Variants in OR14A16 observed in about 807,000 individuals in gnomAD.
OR14A16 encodes olfactory receptor family 14 subfamily A member 16, also known as olfactory receptor 14A16.
For synonymous variants in OR14A16, 135 were observed against 137.6 expected, an observed-to-expected ratio of 0.98 and a Z score of 0.13; for missense variants, 341 against 366.5, an observed-to-expected ratio of 0.93 and a Z score of 0.57.
At chr1:247,822,557 T>G (rs903250628) in intron 1 of OR14A16, among the ~76,000 whole-genome samples, 25 of 152,208 alleles carry the variant, frequency 1.6e-4, no homozygotes, top group Non-Finnish European at 2.9e-4. Flanking sequence ...TCAAACTGAA[T>G]CATAATACCA....
chr1:247,816,476 C>T (rs766547067), intron 2 of OR14A16, among the ~76,000 whole-genome samples: 41 of 152,148 alleles, frequency 2.7e-4, no homozygotes, highest in Admixed American at 9.8e-4. Flanking sequence ...CCTGTAATCC[C>T]AGCACTTTGA....
intron 1 of OR14A16, among the ~76,000 whole-genome samples, chr1:247,819,736 G>A (rs1187572041): frequency 2.0e-5 from 3 of 151,998 alleles, no homozygotes; most frequent in Non-Finnish European, 4.4e-5. Flanking sequence ...TTTAGTTTAC[G>A]ATAAAATATT....
intron 2 of OR14A16, among the ~76,000 whole-genome samples, chr1:247,817,554 G>A (rs901480681): frequency 6.6e-6 from 1 of 152,100 alleles, no homozygotes; most frequent in Non-Finnish European, 1.5e-5. Context: ...ATGTCCATAC[G>A]TGTCTCTTTC....
intron 1 of OR14A16, among the ~76,000 whole-genome samples, chr1:247,821,207 T>C (rs774381678): frequency 1.3e-5 from 2 of 152,240 alleles, no homozygotes; most frequent in Non-Finnish European, 2.9e-5. Flanking sequence ...TAATGTTTTA[T>C]GTGCACTTGA....
At chr1:247,819,822 T>C (rs1645777774) in intron 1 of OR14A16, among the ~76,000 whole-genome samples, 1 of 152,218 alleles carries the variant, frequency 6.6e-6, no homozygotes, top group African/African-American at 2.4e-5. Context: ...CCTTGTCTTG[T>C]TCCTGATCTT....
intron 2 of OR14A16, among the ~76,000 whole-genome samples, chr1:247,817,553 C>T (rs1662646977): frequency 1.3e-5 from 2 of 152,052 alleles, no homozygotes; most frequent in Admixed American, 6.6e-5. Context: ...GATGTCCATA[C>T]GTGTCTCTTT....
intron 1 of OR14A16, among the ~76,000 whole-genome samples, chr1:247,819,625 A>AAAT (rs1662693577): frequency 1.3e-5 from 2 of 152,142 alleles, no homozygotes; most frequent in African/African-American, 4.8e-5. Flanking sequence ...GTAGATAGTG[A>AAAT]AATAATAATA....
rs1268256094 is a variant in OR14A16, at chr1:247,815,306, T to C, written c.424A>G (p.Arg142Gly). ...VIMDRSTCVQ[R>G]ATVSWLYGGL... ...CCATACAGCCAAGACACAGTGGCTC[T>C]TTGGACACAGGTGCTCCTGTCCATG... Residue 142 changes from arginine to glycine, a missense_variant, in exon 3 of 3, where the codon AGA becomes GGA. Physicochemically the swap from Arg to Gly is moderately radical, Grantham distance 125. Coordinates refer to ENST00000641093, the MANE Select transcript of OR14A16 (RefSeq NM_001001966.2). 4 of 1,614,078 alleles carry C rather than the reference T, an allele frequency of 2.5e-6. No homozygotes were observed. Among genetic ancestry groups the C allele is most frequent in the Non-Finnish European group, 3.4e-6 (4 of 1,180,006 alleles).
chr1:247,815,032 G>T lies in OR14A16; in HGVS notation c.698C>A (p.Ser233Ter). 1 of 1,613,406 alleles carries T rather than the reference G, an allele frequency of 6.2e-7. No individual in the cohort carries two copies. Among genetic ancestry groups the T allele is most frequent in the Non-Finnish European group, 8.5e-7 (1 of 1,179,398 alleles). Residue 233 changes from serine (S) to a stop codon, truncating the protein, a stop_gained, in exon 3 of 3, where the codon TCA becomes TAA. Transcript: ENST00000641093. LOFTEE classifies it low-confidence loss of function (END_TRUNC). ...VKKIPSTEGQ[S>*]KAYSICLPHL... ...TGGAAGGCAAATAGAGTAGGCTTTT[G>T]ACTGGCCTTCTGTGGAAGGGATCTT...
chr1:247,822,159 G>T (rs912798545), intron 1 of OR14A16, among the ~76,000 whole-genome samples: 1 of 152,018 alleles, frequency 6.6e-6, no homozygotes, highest in African/African-American at 2.4e-5. Flanking sequence ...TGTCAAACTT[G>T]ACTGGATTAA....
intron 2 of OR14A16, 66 bp from the exon 3 acceptor site, chr1:247,815,810 A>G: frequency 1.6e-6 from 1 of 641,148 alleles, no homozygotes; most frequent in Non-Finnish European, 2.6e-6. Flanking sequence ...AAATATATAT[A>G]ACACATATAT....
Position 247,815,392 on chromosome 1 carries a change from A to T in OR14A16, c.338T>A (p.Leu113His). ...LSSASAELLL[L>H]TVMSFDRYTA... Reference sequence around the variant, plus strand: ...ATAGCGGTCAAAGGACATCACCGTGAGGAGGAGCAGCTCTGCAGATGCTGA... The same window carrying T: ...ATAGCGGTCAAAGGACATCACCGTGTGGAGGAGCAGCTCTGCAGATGCTGA... Residue 113 changes from leucine to histidine, a missense_variant, in exon 3 of 3, where the codon CTC (leucine) becomes CAC (histidine). By Grantham distance (99) the Leu-to-His change is moderately conservative. Coordinates refer to ENST00000641093, the MANE Select transcript of OR14A16 (RefSeq NM_001001966.2). The T allele has an allele frequency of 6.2e-7, 1 of 1,613,834 alleles. No individual in the cohort carries two copies. The highest frequency in any genetic ancestry group is 1.1e-5 in the South Asian group (1 of 91,082).
intron 2 of OR14A16, among the ~76,000 whole-genome samples, chr1:247,817,464 A>C (rs898609078): frequency 1.3e-5 from 2 of 152,198 alleles, no homozygotes; most frequent in Non-Finnish European, 2.9e-5. Context: ...TGTTCTTGTT[A>C]AAATATTGTG....
intron 1 of OR14A16, among the ~76,000 whole-genome samples, chr1:247,821,106 C>A (rs144778519): frequency 6.6e-6 from 1 of 152,154 alleles, no homozygotes. Flanking sequence ...TAGTTTCATA[C>A]CATGTAGTCA....
rs933332879 is a variant in OR14A16 at position 247,819,848 on chromosome 1, A to G, written c.-130-671T>C. Among the ~76,000 whole-genome samples, 6 of 152,134 alleles carry G rather than the reference A, an allele frequency of 3.9e-5. No homozygotes were observed. In the East Asian group the frequency reaches 1.2e-3, roughly 29 times the overall value. ...TCCTGATCTTAGAGGAAATGTTTAA[A>G]CTTTTCATTCTTGCAAATGATGTTA... On this transcript the variant is annotated intron_variant, in intron 1 of 2. Coordinates refer to ENST00000641093, the MANE Select transcript of OR14A16 (RefSeq NM_001001966.2).
At chr1:247,818,244 T>C (rs1489446735) in intron 2 of OR14A16, among the ~76,000 whole-genome samples, 1 of 152,070 alleles carries the variant, frequency 6.6e-6, no homozygotes, top group Non-Finnish European at 1.5e-5. Context: ...CAATAACAAA[T>C]GCTGGGGAGG....
In OR14A16 at chr1:247,815,357, A is replaced by G. The variant is rs139200041; in HGVS notation, c.373T>C (p.Cys125Arg). 3.7e-5 allele frequency: 59 copies of G among 1,614,020 alleles called. No individual in the cohort carries two copies. The African/African-American group carries it at 6.1e-4, about 17-fold the overall frequency. ...ATGACATCATAGTGCAGAGGGTGAC[A>G]TATAGCAGTATAGCGGTCAAAGGAC... is the stretch of plus-strand genomic sequence containing the variant. The part of the protein sequence containing the change: ...VMSFDRYTAI[C>R]HPLHYDVIMD... Residue 125 changes from cysteine to arginine, a missense_variant, in exon 3 of 3, where the codon TGT (cysteine) becomes CGT (arginine). Coordinates refer to ENST00000641093, the MANE Select transcript of OR14A16 (RefSeq NM_001001966.2).
At position 247,815,255 on chromosome 1, in the gene OR14A16, C is replaced by T. The variant is rs1163737497; in HGVS notation, c.475G>A (p.Ala159Thr). 1.2e-6 allele frequency: 2 copies of T among 1,613,772 alleles called. No homozygotes were observed. ...CAGTAGGATAAGGAGAAGGTGCCAG[C>T]TGTGTGCATCACAGCAATCAGACCC... ...YGGLIAVMHT[A>T]GTFSLSYCGS... The change falls in exon 3 of 3, where the codon GCT (alanine) becomes ACT (threonine). Residue 159 changes from alanine to threonine, a missense_variant. Physicochemically the swap from Ala to Thr is moderately conservative, Grantham distance 58 (BLOSUM62 0). Transcript: ENST00000641093.
intron 1 of OR14A16, among the ~76,000 whole-genome samples, chr1:247,821,141 T>G (rs1662731635): frequency 6.6e-6 from 1 of 152,276 alleles, no homozygotes; most frequent in Non-Finnish European, 1.5e-5. Context: ...TATGATTTCA[T>G]TCATCTTAAA....
Sources: gnomAD v4.1 joint callset for allele counts (sites outside exome capture counted in the v4.1 genomes callset) on GRCh38, gnomAD v4.1.1 for gene constraint, MANE v1.5 for transcripts, NCBI Gene and HGNC (gene_info 2026-07-23, HGNC 2026-07-21) for gene names.